Variants in ZNF83 observed in about 807,000 individuals in gnomAD.
The protein encoded by ZNF83 is zinc finger protein 816B.
For synonymous variants in ZNF83, 209 were observed against 213.0 expected (o/e 0.98, Z 0.17); for missense variants, 552 against 629.9 (o/e 0.88, Z 1.32).
Position 52,635,156 on chromosome 19 carries a change from G to T in ZNF83, c.-321-3C>A. ...CCAAGAGTCCTTAGAAGTCAATCCTGAATGTTAAAAATATGTTGTTTATTG... is the reference window on the plus strand; with the variant it reads ...CCAAGAGTCCTTAGAAGTCAATCCTTAATGTTAAAAATATGTTGTTTATTG... On this transcript the variant is annotated splice_region_variant and splice_polypyrimidine_tract_variant and intron_variant, in intron 1 of 2. Transcript: ENST00000301096. The T allele has an allele frequency of 1.6e-6, 1 of 635,278 alleles. No homozygotes were observed. The highest frequency in any genetic ancestry group is 2.4e-5 in the Admixed American group (1 of 41,786). The allele number at this position is 635,278 out of a possible 1,614,324, so 39.4% of individuals were successfully genotyped here.
intron 2 of ZNF83, among the ~76,000 whole-genome samples, chr19:52,623,949 C>T (rs187668271): frequency 2.0e-5 from 3 of 152,232 alleles, no homozygotes; most frequent in East Asian, 1.9e-4. Flanking sequence ...CAATACTGCC[C>T]TCCACAACTC....
At chr19:52,624,639 C>A (rs571034309) in intron 2 of ZNF83, among the ~76,000 whole-genome samples, 8 of 152,270 alleles carry the variant, frequency 5.3e-5, no homozygotes, top group African/African-American at 1.9e-4. Flanking sequence ...TACACACAGC[C>A]GAAGTGCAGG....
intron 2 of ZNF83, among the ~76,000 whole-genome samples, chr19:52,627,986 C>A (rs1472989695): frequency 1.3e-5 from 2 of 152,124 alleles, no homozygotes; most frequent in East Asian, 1.9e-4. Flanking sequence ...AAAGCTCCCC[C>A]ACTGAGTACG....
intron 3 of ZNF83, among the ~76,000 whole-genome samples, chr19:52,645,775 CCAG>C (rs1312352357): frequency 6.6e-6 from 1 of 150,844 alleles, no homozygotes; most frequent in East Asian, 2.0e-4. Context: ...CCACTGCACT[CCAG>C]TGTGGGTGAC....
intron 1 of ZNF83, among the ~76,000 whole-genome samples, chr19:52,685,834 G>A (rs570720924): frequency 7.5e-5 from 11 of 146,842 alleles, no homozygotes; most frequent in Non-Finnish European, 1.6e-4. Context: ...GGAGGCAAAT[G>A]TTTCTGCAAG....
At chr19:52,619,882 CAAAG>C (rs969185957) in intron 2 of ZNF83, among the ~76,000 whole-genome samples, 4 of 151,866 alleles carry the variant, frequency 2.6e-5, no homozygotes, top group Admixed American at 1.3e-4. Flanking sequence ...AACTCCATCT[CAAAG>C]AAAGAAAAAA....
intron 2 of ZNF83, chr19:52,618,997 A>G: frequency 1.3e-6 from 2 of 1,591,206 alleles, no homozygotes; most frequent in African/African-American, 1.4e-5. Context: ...TCCTCTGAGC[A>G]GGGTCCAGGC....
At chr19:52,659,073 C>G (rs552590121) in intron 2 of ZNF83, among the ~76,000 whole-genome samples, 109 of 152,242 alleles carry the variant, frequency 7.2e-4, no homozygotes, top group African/African-American at 2.4e-3. Flanking sequence ...TCCGTCTGGG[C>G]CAGGGTCCGT....
chr19:52,631,406 A>C (rs1272288764), intron 2 of ZNF83, among the ~76,000 whole-genome samples: 1 of 152,188 alleles, frequency 6.6e-6, no homozygotes, highest in Non-Finnish European at 1.5e-5. Flanking sequence ...TAGGCTGGCC[A>C]TGATGTCTGC....
intron 3 of ZNF83, chr19:52,651,476 C>T (rs2061439629): frequency 6.6e-6 from 1 of 152,118 alleles, no homozygotes; most frequent in Non-Finnish European, 1.5e-5. Context: ...TCAGGGAAAG[C>T]TGTAGAACAA....
chr19:52,636,019 A>G (rs957947113), intron 1 of ZNF83: 1 of 149,826 alleles, frequency 6.7e-6, no homozygotes, highest in African/African-American at 2.5e-5. Context: ...TATGTAGACC[A>G]CGTGCGGTGG....
At chr19:52,683,652 C>T (rs1041459899) in intron 1 of ZNF83, among the ~76,000 whole-genome samples, 4 of 152,288 alleles carry the variant, frequency 2.6e-5, no homozygotes, top group African/African-American at 7.2e-5. Flanking sequence ...TCAGGACTGG[C>T]TGAAGATGCA....
intron 1 of ZNF83, among the ~76,000 whole-genome samples, chr19:52,667,604 C>G (rs955433900): frequency 1.3e-5 from 2 of 152,110 alleles, no homozygotes; most frequent in Admixed American, 1.3e-4. Flanking sequence ...AAGGTTTAAG[C>G]AAGTTTCAAA....
intron 2 of ZNF83, among the ~76,000 whole-genome samples, chr19:52,622,155 G>T (rs1361845664): frequency 6.6e-6 from 1 of 151,480 alleles, no homozygotes; most frequent in Non-Finnish European, 1.5e-5. Context: ...CACCCAGTTC[G>T]GCTTACAATT....
At chr19:52,639,415 A>ATTTTTTTTTTTTTT (rs1160711365), upstream of ZNF83, among the ~76,000 whole-genome samples, 89 of 86,262 alleles carry the variant, frequency 1.0e-3, 1 homozygote, top group African/African-American at 1.2e-3. Context: ...AGTTTTTTCT[A>ATTTTTTTTTTTTTT]TTTTTTTTTT....
chr19:52,618,539 GGCGTGA>G (rs1568532113), intron 2 of ZNF83: 1 of 208,276 alleles, frequency 4.8e-6, no homozygotes, highest in Non-Finnish European at 9.6e-6. Flanking sequence ...TGGGATTACA[GGCGTGA>G]GCCACCGCGC....
At chr19:52,656,351 A>C (rs1001559606) in intron 2 of ZNF83, among the ~76,000 whole-genome samples, 2 of 151,990 alleles carry the variant, frequency 1.3e-5, no homozygotes. Flanking sequence ...GTGAAACCCC[A>C]TATCTACTAA....
chr19:52,653,061 G>T, intron 3 of ZNF83: 1 of 1,487,658 alleles, frequency 6.7e-7, no homozygotes, highest in Admixed American at 1.7e-5. Context: ...CATTACACTT[G>T]TAAGGTTTCT....
exon 3 of ZNF83, chr19:52,612,742 G>T: frequency 2.2e-6 from 1 of 462,608 alleles, no homozygotes; most frequent in Non-Finnish European, 3.8e-6. Context: ...TGTGAGAATT[G>T]TGCCAGAAGA....
Sources: gnomAD v4.1 joint callset for allele counts (sites outside exome capture counted in the v4.1 genomes callset) on GRCh38, gnomAD v4.1.1 for gene constraint, MANE v1.5 for transcripts, NCBI Gene and HGNC (gene_info 2026-07-23, HGNC 2026-07-21) for gene names.